Variants in APOBEC3B observed in about 807,000 individuals in gnomAD.
APOBEC3B encodes apolipoprotein B mRNA editing enzyme catalytic subunit 3B, also known as DNA dC->dU-editing enzyme APOBEC-3B.
APOBEC3B carries 29 observed loss-of-function variants against 53.4 expected under a neutral mutation model. The observed-to-expected ratio is 0.54, with a 90% confidence interval of 0.40 to 0.74. The LOEUF (loss-of-function observed/expected upper bound fraction) is 0.74. Ranked by LOEUF, APOBEC3B falls within the 30% of genes least tolerant of loss-of-function variation. APOBEC3B has a pLI of 0.00. For synonymous variants in APOBEC3B, 132 were observed against 184.8 expected, an observed-to-expected ratio of 0.71 and a Z score of 2.32; for missense variants, 347 against 496.2, an observed-to-expected ratio of 0.70 and a Z score of 2.86.
At position 38,982,465 on chromosome 22, in the gene APOBEC3B, G is replaced by A. The variant is rs373482687; in HGVS notation, c.12G>A (p.Gln4=). Residue 4 remains glutamine, a synonymous_variant, in exon 1 of 8, where the codon CAG becomes CAA. Transcript: ENST00000333467. ...CTAAGAGGCTGAACATGAATCCACA[G>A]ATCAGGTACCGCTGCCCACTCTGCC... The part of the protein sequence containing the change: MNP[Q]IRNPMERMYR... 6.3e-7 allele frequency: 1 copy of A among 1,593,640 alleles called. No individual in the cohort carries two copies. Among genetic ancestry groups the A allele is most frequent in the African/African-American group, 1.3e-5 (1 of 74,272 alleles).
chr22:38,982,639 T>G (rs1469125971), intron 1 of APOBEC3B, among the ~76,000 whole-genome samples, 169 bp downstream of exon 1: 1 of 143,264 alleles, frequency 7.0e-6, no homozygotes, highest in Non-Finnish European at 1.5e-5. Context: ...TGCTGTGTGG[T>G]CACCCCACTG....
rs944527453 is a variant in APOBEC3B at position 38,989,882 on chromosome 22, G to A, written c.723+272G>A. ...ACACAGCTCTCACCAGGAATGATTC[G>A]GAACTGTGGGATTTGAGGACTCAGG... On this transcript the variant is annotated intron_variant, in intron 5 of 7. Coordinates refer to ENST00000333467, the MANE Select transcript of APOBEC3B (RefSeq NM_004900.5). 3.4e-5 allele frequency among the ~76,000 whole-genome samples: 5 copies of A among 148,620 alleles called. No individual in the cohort carries two copies. The South Asian group carries it at 6.7e-4, about 20-fold the overall frequency.
chr22:38,992,683 A>T lies in APOBEC3B; in HGVS notation c.*238A>T. ...GAGTAAGATTATGCTCAATATTCCC[A>T]GAATAGTTTTCAATGTATTAATGAA... On this transcript the variant is annotated 3_prime_UTR_variant, in exon 8 of 8. Transcript: ENST00000333467. The T allele has an allele frequency of 8.4e-7, 1 of 1,190,532 alleles. No individual in the cohort carries two copies. Among genetic ancestry groups the T allele is most frequent in the Non-Finnish European group, 1.2e-6 (1 of 863,012 alleles). The allele number at this position is 1,190,532 out of a possible 1,614,324, so 73.7% of individuals were successfully genotyped here.
chr22:38,984,287 G>A, intron 2 of APOBEC3B, 56 bp downstream of exon 2: 2 of 1,555,008 alleles, frequency 1.3e-6, no homozygotes, highest in Non-Finnish European at 1.7e-6. Context: ...TAGAGGACTG[G>A]AGAGACTGAT....
intron 5 of APOBEC3B, among the ~76,000 whole-genome samples, 196 bp downstream of exon 5, chr22:38,989,806 C>A (rs1189822772): frequency 1.3e-5 from 2 of 148,536 alleles, no homozygotes; most frequent in Non-Finnish European, 3.0e-5. Flanking sequence ...GGGGTTGAGT[C>A]TGCCCAATGG....
chr22:38,989,079 C>A lies in APOBEC3B; in HGVS notation c.570-378C>A, dbSNP rs2146292537. 2.7e-5 allele frequency among the ~76,000 whole-genome samples: 4 copies of A among 148,404 alleles called. No homozygotes were observed. In the South Asian group the frequency reaches 8.9e-4, roughly 33 times the overall value. The stretch of plus-strand genomic sequence containing the variant: ...CCCTGCAGGCAGGAGGAAGCCCCAG[C>A]AGGTCCATCTCCAGCAGGGGCTGTG... On this transcript the variant is annotated intron_variant, in intron 4 of 7. Transcript: ENST00000333467.
chr22:38,992,579 C>T lies in APOBEC3B; in HGVS notation c.*134C>T, dbSNP rs1924056686. On this transcript the variant is annotated 3_prime_UTR_variant, in exon 8 of 8. Transcript: ENST00000333467. ...TCACAGACACCAGCAAAGCAATGTG[C>T]TCCTGATCAAGTAGATTTTTTAAAA... 1 of 1,579,840 alleles carries T rather than the reference C, an allele frequency of 6.3e-7. No homozygotes were observed.
chr22:38,984,235 C>T lies in APOBEC3B; in HGVS notation c.174+4C>T. On this transcript the variant is annotated splice_donor_region_variant and intron_variant, in intron 2 of 7. Transcript: ENST00000333467. ...CACAGGGGTCTTTCGAGGCCAGGTA[C>T]CACCCAAACTTCAATCGAATCACAG... is the stretch of plus-strand genomic sequence containing the variant. The T allele has an allele frequency of 6.3e-7, 1 of 1,590,808 alleles. No individual in the cohort carries two copies. Among genetic ancestry groups the T allele is most frequent in the Non-Finnish European group, 8.5e-7 (1 of 1,171,820 alleles).
At position 38,992,559 on chromosome 22, in the gene APOBEC3B, G is replaced by A; in HGVS notation, c.*114G>A. The A allele has an allele frequency of 1.9e-6, 3 of 1,607,982 alleles. No individual in the cohort carries two copies. The highest frequency in any genetic ancestry group is 2.6e-6 in the Non-Finnish European group (3 of 1,175,284). On this transcript the variant is annotated 3_prime_UTR_variant, in exon 8 of 8. Coordinates refer to ENST00000333467, the MANE Select transcript of APOBEC3B (RefSeq NM_004900.5). ...TCACCACCATCTCCAGCTGCTCACAGACACCAGCAAAGCAATGTGCTCCTG... is the reference window on the plus strand; with the variant it reads ...TCACCACCATCTCCAGCTGCTCACAAACACCAGCAAAGCAATGTGCTCCTG...
chr22:38,984,883 T>C, intron 2 of APOBEC3B, among the ~76,000 whole-genome samples: 1 of 144,116 alleles, frequency 6.9e-6, no homozygotes, highest in Non-Finnish European at 1.5e-5. Context: ...ATTTCTTTTT[T>C]CTCTTTTTTT....
At chr22:38,986,128 G>A (rs201562975) in intron 3 of APOBEC3B, 37 bp downstream of exon 3, 2 of 1,582,406 alleles carry the variant, frequency 1.3e-6, no homozygotes, top group African/African-American at 2.7e-5. Flanking sequence ...GTGAGCGGGA[G>A]GAACAGCATG....
At chr22:38,985,292 A>G (rs1183891661) in intron 2 of APOBEC3B, among the ~76,000 whole-genome samples, 1 of 146,506 alleles carries the variant, frequency 6.8e-6, no homozygotes, top group African/African-American at 2.5e-5. Flanking sequence ...GAGTGCAATG[A>G]CTCACTCTCA....
chr22:38,982,379 C>G lies in APOBEC3B; in HGVS notation c.-75C>G. On this transcript the variant is annotated 5_prime_UTR_variant, in exon 1 of 8. Coordinates refer to ENST00000333467, the MANE Select transcript of APOBEC3B (RefSeq NM_004900.5). ...GGAGGGCTGTCCAACTGCAAGGACG[C>G]TGTAAGCAGGAAGTGAAACCACAGA... 1 of 1,573,336 alleles carries G rather than the reference C, an allele frequency of 6.4e-7. No individual in the cohort carries two copies. The highest frequency in any genetic ancestry group is 8.7e-7 in the Non-Finnish European group (1 of 1,155,594).
chr22:38,988,508 A>T (rs1385885367), intron 4 of APOBEC3B, among the ~76,000 whole-genome samples: 3 of 148,372 alleles, frequency 2.0e-5, no homozygotes, highest in Non-Finnish European at 4.5e-5. Flanking sequence ...TGCTTGTAGG[A>T]CCACTTTGCT....
In APOBEC3B at chr22:38,986,104, G is replaced by A. The variant is rs1262400411; in HGVS notation, c.454+13G>A. On this transcript the variant is annotated intron_variant, in intron 3 of 7. Transcript: ENST00000333467. ...ATGGACTATGAAGGTGAGAGGTGGA[G>A]GGGTCAGGGGAGCGTGAGCGGGAGG... 13 of 1,589,404 alleles carry A rather than the reference G, an allele frequency of 8.2e-6. No homozygotes were observed. The highest frequency in any genetic ancestry group is 1.1e-5 in the Non-Finnish European group (13 of 1,170,250).
intron 1 of APOBEC3B, 151 bp from the exon 2 acceptor site, chr22:38,983,924 T>G: frequency 1.0e-6 from 1 of 983,542 alleles, no homozygotes. Flanking sequence ...CCCCTCAGTC[T>G]TCCTGCCTGG....
intron 1 of APOBEC3B, among the ~76,000 whole-genome samples, chr22:38,983,708 A>T (rs1471936802): frequency 6.7e-6 from 1 of 149,386 alleles, no homozygotes; most frequent in Non-Finnish European, 1.5e-5. Flanking sequence ...AGAGTGAAAC[A>T]TCAGGAAGGA....
rs1408429922 is a variant in APOBEC3B, at chr22:38,989,676, G to C, written c.723+66G>C. ...AATCCAGGGACACTCATAGATAGAA[G>C]GTTCTGGGTGGTGCCTGTGGTTTCC... On this transcript the variant is annotated intron_variant, in intron 5 of 7. Transcript: ENST00000333467. The C allele has an allele frequency of 1.1e-5, 16 of 1,398,202 alleles. 1 individual carries two copies. Among genetic ancestry groups the C allele is most frequent in the South Asian group, 2.9e-5 (2 of 68,180 alleles). 86.6% of individuals were successfully genotyped at this position (1,398,202 alleles called of 1,614,324 possible). A position where few individuals can be genotyped will look rare whatever the true frequency, so the allele number is the denominator to read the frequency against.
At chr22:38,984,272 G>C (rs1156448247) in intron 2 of APOBEC3B, 41 bp downstream of exon 2, 1 of 1,578,102 alleles carries the variant, frequency 6.3e-7, no homozygotes, top group Non-Finnish European at 8.6e-7. Flanking sequence ...CAGTGTTGCA[G>C]GAATTAGAGG....
Sources: allele counts gnomAD v4.1 joint callset (sites outside exome capture counted in the v4.1 genomes callset), GRCh38; gene constraint gnomAD v4.1.1; transcripts MANE v1.5; gene names NCBI Gene and HGNC (gene_info 2026-07-23, HGNC 2026-07-21).